The following OCLN variants were observed in gnomAD, a reference collection of about 807,000 sequenced individuals.
The protein encoded by OCLN is phosphatase 1, regulatory subunit 115.
OCLN carries 21 observed loss-of-function variants against 47.9 expected under a neutral mutation model. The observed-to-expected ratio is 0.44, with a 90% CI of 0.31 to 0.63. The LOEUF is 0.63. OCLN is among the 30% of genes least tolerant of loss of function. The probability of loss-of-function intolerance (pLI) is 0.08; values close to 1 mark genes in which losing one functional copy is unlikely to be tolerated. For missense variants in OCLN, 360 were observed against 571.0 expected, an observed-to-expected ratio of 0.63 and a Z score of 3.77; for synonymous variants, 117 against 198.4, an observed-to-expected ratio of 0.59 and a Z score of 3.45.
chr5:69,503,189 C>A (rs1314870612), intron 1 of OCLN, among the ~76,000 whole-genome samples: 1 of 152,136 alleles, frequency 6.6e-6, no homozygotes, highest in Non-Finnish European at 1.5e-5. Context: ...TTCATTGTTG[C>A]CTCACACCTA....
At chr5:69,526,274 AC>A (rs1373918034) in intron 4 of OCLN, among the ~76,000 whole-genome samples, 1 of 152,158 alleles carries the variant, frequency 6.6e-6, no homozygotes, top group Admixed American at 6.6e-5. Flanking sequence ...TCAAGCTGCA[AC>A]CATTAAACTG....
chr5:69,549,627 AT>A lies in OCLN; in HGVS notation c.1425+1535del, dbSNP rs533577845. Among the ~76,000 whole-genome samples, 259 of 143,178 alleles carry A rather than the reference AT, an allele frequency of 1.8e-3. 7 individuals are homozygous for A. The highest frequency in any genetic ancestry group is 3.6e-3 in the Middle Eastern group (1 of 274). The allele number at this position is 143,178 out of a possible 152,430, so 93.9% of individuals were successfully genotyped here. On this transcript the variant is annotated intron_variant, in intron 7 of 8. Transcript: ENST00000396442. Reference sequence around the variant, plus strand: ...GAATTTGTCCATGTAAAGTTACTGGATTTTTTTTTCAATCCATCCTTTTCAT... The same window carrying A: ...GAATTTGTCCATGTAAAGTTACTGGATTTTTTTTCAATCCATCCTTTTCAT...
intron 4 of OCLN, among the ~76,000 whole-genome samples, chr5:69,530,940 C>T (rs921537945): frequency 1.3e-5 from 2 of 152,200 alleles, no homozygotes; most frequent in African/African-American, 4.8e-5. Context: ...CGATTTGTGC[C>T]AGACACTGTG....
At chr5:69,494,299 T>C (rs1359501992) in intron 1 of OCLN, among the ~76,000 whole-genome samples, 1 of 152,180 alleles carries the variant, frequency 6.6e-6, no homozygotes, top group Non-Finnish European at 1.5e-5. Context: ...GCGATTCTCC[T>C]GCTCAGCCTC....
chr5:69,495,993 A>C (rs1297490299), intron 1 of OCLN, among the ~76,000 whole-genome samples: 1 of 152,224 alleles, frequency 6.6e-6, no homozygotes, highest in East Asian at 1.9e-4. Flanking sequence ...TTAAAAATAC[A>C]ATTTCTGACA....
chr5:69,527,931 A>G (rs1264494403), intron 4 of OCLN, among the ~76,000 whole-genome samples: 1 of 152,118 alleles, frequency 6.6e-6, no homozygotes, highest in Non-Finnish European at 1.5e-5. Flanking sequence ...ATTGGTCTAT[A>G]TTATTACTGT....
intron 2 of OCLN, among the ~76,000 whole-genome samples, chr5:69,504,913 C>CCACTG (rs1768555710): frequency 6.6e-6 from 1 of 151,840 alleles, no homozygotes; most frequent in Non-Finnish European, 1.5e-5. Flanking sequence ...CGAGATCACG[C>CCACTG]CACTGCACTC....
rs915284597 is a variant in OCLN at position 69,533,283 on chromosome 5, G to A, written c.892-1411G>A. Among the ~76,000 whole-genome samples, 9 of 152,110 alleles carry A rather than the reference G, an allele frequency of 5.9e-5. No homozygotes were observed. In the East Asian group the frequency reaches 1.2e-3, roughly 20 times the overall value. On this transcript the variant is annotated intron_variant, in intron 4 of 8. Coordinates refer to ENST00000396442, the MANE Select transcript of OCLN (RefSeq NM_001205254.2). ...AAATTAATATAGAAAATTTATTTGGGCCAAGGTTGAGAACAGCTGCCTGGG... is the reference window on the plus strand; with the variant it reads ...AAATTAATATAGAAAATTTATTTGGACCAAGGTTGAGAACAGCTGCCTGGG...
At chr5:69,507,993 G>A (rs959860771) in intron 2 of OCLN, among the ~76,000 whole-genome samples, 4 of 152,126 alleles carry the variant, frequency 2.6e-5, no homozygotes, top group African/African-American at 9.7e-5. Flanking sequence ...AAAAATGAAT[G>A]ATTCAGGAAA....
intron 4 of OCLN, among the ~76,000 whole-genome samples, chr5:69,527,418 G>A (rs1769312433): frequency 6.6e-6 from 1 of 152,260 alleles, no homozygotes; most frequent in Non-Finnish European, 1.5e-5. Flanking sequence ...AAGCTGTATG[G>A]CTTGTGGAAC....
chr5:69,532,532 T>G (rs1370638222), intron 4 of OCLN, among the ~76,000 whole-genome samples: 2 of 152,252 alleles, frequency 1.3e-5, no homozygotes, highest in Non-Finnish European at 2.9e-5. Context: ...TTAAAACAAC[T>G]AAATGATTCA....
chr5:69,509,868 T>A lies in OCLN; in HGVS notation c.729+49T>A, dbSNP rs757334241. 4.5e-6 allele frequency: 6 copies of A among 1,327,154 alleles called. No individual in the cohort carries two copies. In the South Asian group the frequency reaches 7.0e-5, roughly 16 times the overall value. The allele number at this position is 1,327,154 out of a possible 1,614,324, so 82.2% of individuals were successfully genotyped here. Reference sequence around the variant, plus strand: ...TTCTCCATCTCCTTAGCAGAGGCCTTCAACTTGAGATATGTGATAGAATCA... The same window carrying A: ...TTCTCCATCTCCTTAGCAGAGGCCTACAACTTGAGATATGTGATAGAATCA... On this transcript the variant is annotated intron_variant, in intron 3 of 8. Transcript: ENST00000396442.
chr5:69,537,150 A>G (rs1769611495), intron 5 of OCLN, among the ~76,000 whole-genome samples: 1 of 150,060 alleles, frequency 6.7e-6, no homozygotes, highest in Non-Finnish European at 1.5e-5. Context: ...CATTGTATAG[A>G]TATATAGATA....
In OCLN at chr5:69,506,320, A is replaced by G. The variant is rs752543397; in HGVS notation, c.50+2026A>G. On this transcript the variant is annotated intron_variant, in intron 2 of 8. Transcript: ENST00000396442. ...GAATGAACAAACAAATGATATTACA[A>G]TGGATGCCAACAAACACCAGATGAA... Among the ~76,000 whole-genome samples the G allele has an allele frequency of 1.4e-4, 21 of 152,198 alleles. 1 individual carries two copies. The South Asian group carries it at 1.7e-3, about 12-fold the overall frequency.
intron 4 of OCLN, among the ~76,000 whole-genome samples, chr5:69,516,890 C>A (rs1286231022): frequency 6.6e-6 from 1 of 151,690 alleles, no homozygotes; most frequent in Non-Finnish European, 1.5e-5. Flanking sequence ...GACCCTGTCT[C>A]TACAAAAAAT....
chr5:69,533,038 TGTATATATACACATATATAC>T (rs1769482816), intron 4 of OCLN, among the ~76,000 whole-genome samples: 1 of 142,888 alleles, frequency 7.0e-6, no homozygotes. Flanking sequence ...CACACACACA[TGTATATATACACATATATAC>T]ATATATATAT....
chr5:69,515,276 G>C (rs1318862058), intron 4 of OCLN, among the ~76,000 whole-genome samples: 5 of 140,842 alleles, frequency 3.6e-5, no homozygotes, highest in African/African-American at 1.1e-4. Flanking sequence ...TGGCCGGGCG[G>C]GGGGCTGACC....
intron 4 of OCLN, among the ~76,000 whole-genome samples, chr5:69,514,925 T>C (rs1245527449): frequency 6.6e-6 from 1 of 152,242 alleles, no homozygotes; most frequent in Non-Finnish European, 1.5e-5. Context: ...TGTCTACCAC[T>C]TTCTACACAG....
chr5:69,508,928 C>T (rs539864486), intron 2 of OCLN, among the ~76,000 whole-genome samples: 1 of 152,252 alleles, frequency 6.6e-6, no homozygotes, highest in East Asian at 1.9e-4. Flanking sequence ...GTTTACAATA[C>T]CCCCAAACAG....
Sources: allele counts gnomAD v4.1 joint callset (sites outside exome capture counted in the v4.1 genomes callset), GRCh38; gene constraint gnomAD v4.1.1; transcripts MANE v1.5; gene names NCBI Gene and HGNC (gene_info 2026-07-23, HGNC 2026-07-21).